FRMD4B: variants seen among roughly 807,000 people sequenced by gnomAD.
FRMD4B encodes FERM domain containing 4B.
A neutral mutation model predicts 141.5 loss-of-function variants in FRMD4B; 74 were observed. That is an observed-to-expected ratio of 0.52 (90% CI 0.43 to 0.63). The LOEUF (loss-of-function observed/expected upper bound fraction) is 0.63, where lower values mean the gene tolerates loss of function less well. Among genes scored for constraint, FRMD4B ranks in the 30% least tolerant of loss-of-function variants. The probability of loss-of-function intolerance (pLI) is 0.00; values close to 1 mark genes in which losing one functional copy is unlikely to be tolerated. For synonymous variants in FRMD4B, 506 were observed against 467.9 expected, an observed-to-expected ratio of 1.08 and a Z score of -1.05; for missense variants, 1,366 against 1,253.4, an observed-to-expected ratio of 1.09 and a Z score of -1.36.
At chr3:69,365,557 T>C (rs1460652961) in intron 1 of FRMD4B, among the ~76,000 whole-genome samples, 1 of 150,898 alleles carries the variant, frequency 6.6e-6, no homozygotes, top group African/African-American at 2.5e-5. Context: ...CAGGCTGGGG[T>C]GCAGTGAAGC....
At chr3:69,475,185 T>G (rs1333301512) in intron 1 of FRMD4B, among the ~76,000 whole-genome samples, 3 of 152,036 alleles carry the variant, frequency 2.0e-5, no homozygotes, top group African/African-American at 7.2e-5. Context: ...CCTGTGTTTC[T>G]ATTTTTTCTT....
At chr3:69,334,246 G>A (rs1302400736) in intron 1 of FRMD4B, 1 of 152,132 alleles carries the variant, frequency 6.6e-6, no homozygotes, top group Admixed American at 6.6e-5. Context: ...GTAAAATGGG[G>A]GGATGGTGTT....
At chr3:69,319,433 G>A (rs891151827) in intron 1 of FRMD4B, among the ~76,000 whole-genome samples, 1 of 152,114 alleles carries the variant, frequency 6.6e-6, no homozygotes, top group African/African-American at 2.4e-5. Flanking sequence ...TTTTTAATGG[G>A]AGGAATATTA....
intron 2 of FRMD4B, among the ~76,000 whole-genome samples, chr3:69,417,849 G>A (rs924085875): frequency 4.6e-5 from 7 of 152,142 alleles, no homozygotes; most frequent in Admixed American, 3.9e-4. Flanking sequence ...AGGTTGTAGG[G>A]GTGAATCATT....
At chr3:69,450,286 G>A (rs907890581) in intron 1 of FRMD4B, among the ~76,000 whole-genome samples, 1 of 152,206 alleles carries the variant, frequency 6.6e-6, no homozygotes, top group African/African-American at 2.4e-5. Flanking sequence ...ACTTTGGGAG[G>A]CCCAGGCAGG....
At chr3:69,264,964 A>G (rs2093551232) in intron 5 of FRMD4B, among the ~76,000 whole-genome samples, 1 of 152,094 alleles carries the variant, frequency 6.6e-6, no homozygotes, top group African/African-American at 2.4e-5. Context: ...ATACAAATAT[A>G]CAGATATGAG....
intron 1 of FRMD4B, among the ~76,000 whole-genome samples, chr3:69,520,156 A>AAT (rs60035786): frequency 1.7e-5 from 2 of 114,578 alleles, no homozygotes; most frequent in East Asian, 2.9e-4. Context: ...TATATGATGG[A>AAT]ATATATATAT....
intron 7 of FRMD4B, among the ~76,000 whole-genome samples, chr3:69,232,427 C>T (rs920293734): frequency 2.6e-5 from 4 of 152,134 alleles, no homozygotes; most frequent in African/African-American, 9.7e-5. Context: ...ATTCCTATTT[C>T]GATAACTTTC....
At chr3:69,537,376 G>A (rs1701104060) in intron 1 of FRMD4B, among the ~76,000 whole-genome samples, 6 of 152,198 alleles carry the variant, frequency 3.9e-5, no homozygotes, top group Admixed American at 3.9e-4. Context: ...AGGCTGAAGA[G>A]CTGCAGAATA....
At chr3:69,217,724 T>C (rs1025656372) in intron 10 of FRMD4B, among the ~76,000 whole-genome samples, 1 of 152,192 alleles carries the variant, frequency 6.6e-6, no homozygotes, top group East Asian at 1.9e-4. Flanking sequence ...TGTATAGAGA[T>C]ATGAACATTA....
chr3:69,186,246 CTTT>C (rs58174388), intron 19 of FRMD4B, among the ~76,000 whole-genome samples: 18 of 89,602 alleles, frequency 2.0e-4, no homozygotes, highest in East Asian at 3.2e-4. Flanking sequence ...TTTCTTTTTC[CTTT>C]TTTTTTTTTT....
intron 1 of FRMD4B, among the ~76,000 whole-genome samples, chr3:69,436,899 T>G (rs1705269346): frequency 6.6e-6 from 1 of 152,172 alleles, no homozygotes; most frequent in Non-Finnish European, 1.5e-5. Context: ...GTATCTAGAA[T>G]AGTTGAATAG....
chr3:69,255,292 T>A (rs1435392160), intron 5 of FRMD4B, among the ~76,000 whole-genome samples: 1 of 152,230 alleles, frequency 6.6e-6, no homozygotes, highest in Non-Finnish European at 1.5e-5. Context: ...GAGCCAAATG[T>A]TAAAAACTGG....
rs537573401 is a variant in FRMD4B, at chr3:69,504,496, C to T, written c.-129+37710G>A. 1.2e-4 allele frequency among the ~76,000 whole-genome samples: 19 copies of T among 152,260 alleles called. 1 individual carries two copies. Among genetic ancestry groups the T allele is most frequent in the Admixed American group, 1.2e-3 (18 of 15,298 alleles). Reference sequence around the variant, plus strand: ...CCAAACCACCCCTCCCAGACCCAGGCGACCTCCAATGTACATGATGTTTCT... The same window carrying T: ...CCAAACCACCCCTCCCAGACCCAGGTGACCTCCAATGTACATGATGTTTCT... On this transcript the variant is annotated intron_variant, in intron 1 of 5. Transcript: ENST00000459638.
intron 1 of FRMD4B, among the ~76,000 whole-genome samples, chr3:69,441,301 G>A (rs1364195476): frequency 6.6e-6 from 1 of 152,142 alleles, no homozygotes; most frequent in Non-Finnish European, 1.5e-5. Flanking sequence ...TGAGAGTGGA[G>A]TGGTTTTCTT....
intron 12 of FRMD4B, chr3:69,198,159 C>T (rs9833167): frequency 0.79 from 114,426 of 145,076 alleles, 48,833 homozygotes; most frequent in Non-Finnish European, 0.94. Flanking sequence ...CGGGATTTCT[C>T]CTAAGATATT....
At chr3:69,507,088 G>A (rs17006040) in intron 1 of FRMD4B, among the ~76,000 whole-genome samples, 35,380 of 152,040 alleles carry the variant, frequency 0.23, 4,268 homozygotes, top group African/African-American at 0.28. Flanking sequence ...CAAGATGGGC[G>A]AAGAATCAAT....
intron 5 of FRMD4B, among the ~76,000 whole-genome samples, chr3:69,275,853 TAGAA>T (rs1425190348): frequency 2.6e-5 from 4 of 152,180 alleles, no homozygotes; most frequent in African/African-American, 7.2e-5. Context: ...AAGTATAACT[TAGAA>T]AGCAAAAGCT....
chr3:69,252,401 TGAAGGA>T (rs2093468221), intron 5 of FRMD4B, among the ~76,000 whole-genome samples: 1 of 152,028 alleles, frequency 6.6e-6, no homozygotes, highest in South Asian at 2.1e-4. Flanking sequence ...GACGGTGCGG[TGAAGGA>T]GTGGGCTCTA....
Sources: allele counts gnomAD v4.1 joint callset (sites outside exome capture counted in the v4.1 genomes callset), GRCh38; gene constraint gnomAD v4.1.1; transcripts MANE v1.5; gene names NCBI Gene and HGNC (gene_info 2026-07-23, HGNC 2026-07-21).